The following FRMPD4 variants were observed in gnomAD, a reference collection of about 807,000 sequenced individuals.
FRMPD4 encodes FERM and PDZ domain-containing protein 4.
In FRMPD4, 22 loss-of-function variants were observed where a neutral mutation model predicts 94.1. That is an observed-to-expected ratio of 0.23 (90% confidence interval 0.17 to 0.33). The LOEUF is 0.33. Among genes scored for constraint, FRMPD4 ranks in the 10% least tolerant of loss-of-function variants. The pLI, the probability that FRMPD4 is intolerant of heterozygous loss-of-function variation, is 1.00. For synonymous variants in FRMPD4, 631 were observed against 548.6 expected (o/e 1.15, Z -2.10); for missense variants, 1,111 against 1,339.9 (o/e 0.83, Z 2.67).
chrX:11,920,823 C>T (rs2054051381), intron 3 of FRMPD4, among the ~76,000 whole-genome samples: 1 of 111,418 alleles, frequency 9.0e-6, no homozygotes, highest in Non-Finnish European at 1.9e-5. Context: ...GCTGCTCATT[C>T]TAGGAAGTCT....
rs192226369 is a variant in FRMPD4, at chrX:12,675,471, A to T, written c.468+563A>T. Among the ~76,000 whole-genome samples the T allele has an allele frequency of 5.4e-5, 6 of 110,500 alleles. No individual in the cohort carries two copies. The East Asian group carries it at 1.7e-3, about 31-fold the overall frequency. ...TTTATCATGGTATAATCTGCGTACC[A>T]TAAAATTCATCCATTTTCAGTGTAC... On this transcript the variant is annotated intron_variant, in intron 5 of 16. Coordinates refer to ENST00000675598, the MANE Select transcript of FRMPD4 (RefSeq NM_001368397.1).
At chrX:12,112,903 C>G (rs2055378475) in intron 3 of FRMPD4, among the ~76,000 whole-genome samples, 1 of 111,338 alleles carries the variant, frequency 9.0e-6, no homozygotes, top group Non-Finnish European at 1.9e-5. Flanking sequence ...TGACCAAGAC[C>G]TGGCCAATTA....
chrX:11,847,710 T>G (rs1340013150), intron 1 of FRMPD4, among the ~76,000 whole-genome samples: 9 of 109,567 alleles, frequency 8.2e-5, no homozygotes, highest in African/African-American at 3.0e-4. Context: ...CCATAAAAAA[T>G]GATGAGCTAA....
intron 5 of FRMPD4, among the ~76,000 whole-genome samples, chrX:12,682,759 A>C (rs1214244759): frequency 8.9e-6 from 1 of 112,169 alleles, no homozygotes; most frequent in Non-Finnish European, 1.9e-5. Flanking sequence ...TCTGAGGAAG[A>C]ATTGTGCCAC....
chrX:12,285,357 G>A (rs1463318416), intron 1 of FRMPD4, among the ~76,000 whole-genome samples: 1 of 111,912 alleles, frequency 8.9e-6, no homozygotes, highest in Non-Finnish European at 1.9e-5. Context: ...ACAAATTTCT[G>A]ACCAGTGTTA....
intron 1 of FRMPD4, among the ~76,000 whole-genome samples, chrX:12,428,988 C>G (rs771728041): frequency 9.1e-6 from 1 of 110,483 alleles, no homozygotes; most frequent in Non-Finnish European, 1.9e-5. Context: ...ACTGGGCAGA[C>G]AGCCAACCAT....
intron 3 of FRMPD4, among the ~76,000 whole-genome samples, chrX:11,915,623 T>C (rs1276529773): frequency 8.9e-6 from 1 of 112,452 alleles, no homozygotes; most frequent in Non-Finnish European, 1.9e-5. Context: ...GTTCTACTGG[T>C]CATATGACAA....
rs1264677048 is a variant in FRMPD4 at position 12,724,140 on chromosome X, A to G, written c.*2282A>G. The G allele has an allele frequency of 8.9e-6, 1 of 111,973 alleles. No homozygotes were observed. The highest frequency in any genetic ancestry group is 1.9e-5 in the Non-Finnish European group (1 of 53,208). The allele number at this position is 111,973 out of a possible 1,213,427, so 9.2% of individuals were successfully genotyped here. ...TATGTGTATTGCATATATGTAAAAG[A>G]AGTGTACAAGGAAGTGGCCATCCTT... is the stretch of plus-strand genomic sequence containing the variant. On this transcript the variant is annotated 3_prime_UTR_variant, in exon 17 of 17. Coordinates refer to ENST00000675598, the MANE Select transcript of FRMPD4 (RefSeq NM_001368397.1).
chrX:12,183,544 T>A (rs1470817991), intron 1 of FRMPD4, among the ~76,000 whole-genome samples: 1 of 112,183 alleles, frequency 8.9e-6, no homozygotes, highest in African/African-American at 3.2e-5. Context: ...GAATCTTTAT[T>A]TTCTGATCTT....
chrX:12,413,794 G>A (rs901938869), intron 1 of FRMPD4, among the ~76,000 whole-genome samples: 3 of 112,535 alleles, frequency 2.7e-5, no homozygotes, highest in Admixed American at 9.3e-5. Flanking sequence ...AGGACCTGGT[G>A]TGCCTACCAA....
chrX:11,852,529 G>A (rs977008371), intron 1 of FRMPD4, among the ~76,000 whole-genome samples: 4 of 109,706 alleles, frequency 3.6e-5, no homozygotes, highest in Non-Finnish European at 5.7e-5. Flanking sequence ...GACTTGATGT[G>A]TCACCCAGTC....
intron 1 of FRMPD4, among the ~76,000 whole-genome samples, chrX:12,278,571 A>G (rs1486877153): frequency 4.4e-5 from 5 of 112,560 alleles, no homozygotes; most frequent in Admixed American, 3.7e-4. Context: ...CTAGCTAGCA[A>G]GTGAGAGGGA....
chrX:12,495,889 G>T lies in FRMPD4; in HGVS notation c.42-2791G>T, dbSNP rs2057843885. Among the ~76,000 whole-genome samples the T allele has an allele frequency of 2.7e-5, 3 of 111,757 alleles. No homozygotes were observed. In the Admixed American group the frequency reaches 2.9e-4, roughly 11 times the overall value. On this transcript the variant is annotated intron_variant, in intron 1 of 16. Transcript: ENST00000675598. The stretch of plus-strand genomic sequence containing the variant: ...GGTTCCAGGCATCTGTAGTTTACAA[G>T]TTCCTCCATGGGGGATTCCAACGTG...
intron 1 of FRMPD4, among the ~76,000 whole-genome samples, chrX:11,830,190 C>T (rs764714171): frequency 5.4e-5 from 6 of 111,422 alleles, no homozygotes; most frequent in African/African-American, 9.8e-5. Context: ...ATAAGTGGAC[C>T]CTGAATATGA....
rs6641076 is a variant in FRMPD4, at chrX:12,691,110, G to C, written c.813+784G>C. ...TCTTCCTTGTTGTATATAAAAGCTGGTGTCCCACACATTGGGTCCTGCAAA... is the reference window on the plus strand; with the variant it reads ...TCTTCCTTGTTGTATATAAAAGCTGCTGTCCCACACATTGGGTCCTGCAAA... On this transcript the variant is annotated intron_variant, in intron 8 of 16. Transcript: ENST00000675598. Among the ~76,000 whole-genome samples, 109 of 111,755 alleles carry C rather than the reference G, an allele frequency of 9.8e-4. 2 individuals carry two copies. The East Asian group carries it at 0.027, about 28-fold the overall frequency.
rs1483959931 is a variant in FRMPD4 at position 12,720,935 on chromosome X, T to C, written c.4366T>C (p.Phe1456Leu). ...LPLGRKLTKS[F>L]SQSSMHLSSE... ...CCTGGGGAGGAAGCTCACCAAAAGT[T>C]TTTCCCAAAGCTCAATGCACTTGAG... is the stretch of plus-strand genomic sequence containing the variant. Residue 1456 changes from phenylalanine (F) to leucine (L), a missense_variant, in exon 17 of 17, where the codon TTT becomes CTT. This residue lies in a region of FRMPD4 where 551 missense variants were observed against 591.6 expected (regional missense o/e 0.93). Coordinates refer to ENST00000675598, the MANE Select transcript of FRMPD4 (RefSeq NM_001368397.1). 7.5e-6 allele frequency: 6 copies of C among 802,691 alleles called. No individual in the cohort carries two copies. Among genetic ancestry groups the C allele is most frequent in the Non-Finnish European group, 9.0e-6 (6 of 669,937 alleles). The allele number at this position is 802,691 out of a possible 1,213,427, so 66.2% of individuals were successfully genotyped here.
At chrX:12,045,976 C>T (rs2054782976) in intron 3 of FRMPD4, among the ~76,000 whole-genome samples, 1 of 111,153 alleles carries the variant, frequency 9.0e-6, no homozygotes, top group East Asian at 2.8e-4. Context: ...GACAAATAAG[C>T]TTTAAGTCAA....
intron 1 of FRMPD4, among the ~76,000 whole-genome samples, chrX:12,286,315 C>G (rs907311376): frequency 9.0e-6 from 1 of 110,709 alleles, no homozygotes; most frequent in Non-Finnish European, 1.9e-5. Flanking sequence ...TAATCACAGC[C>G]ATCCTGTCAT....
chrX:12,669,797 A>G (rs2059820526), intron 4 of FRMPD4, among the ~76,000 whole-genome samples: 1 of 112,262 alleles, frequency 8.9e-6, no homozygotes. Context: ...GGCAGCCTCT[A>G]GAAGTTGAAA....
Sources: gnomAD v4.1 joint callset for allele counts (sites outside exome capture counted in the v4.1 genomes callset) on GRCh38, gnomAD v4.1.1 for gene constraint, gnomAD v4.1.1 regional missense constraint, MANE v1.5 for transcripts, NCBI Gene and HGNC (gene_info 2026-07-23, HGNC 2026-07-21) for gene names.